The following COL4A1 variants were observed in gnomAD, a reference collection of about 807,000 sequenced individuals.
The protein encoded by COL4A1 is collagen alpha-1(IV) chain.
COL4A1 carries 40 observed loss-of-function variants against 216.6 expected under a neutral mutation model. The observed-to-expected ratio is 0.18, with a 90% confidence interval of 0.14 to 0.24. The LOEUF (loss-of-function observed/expected upper bound fraction) is 0.24. Among genes scored for constraint, COL4A1 ranks in the 10% least tolerant of loss-of-function variants. COL4A1 has a pLI of 1.00. For missense variants in COL4A1, 1,628 were observed against 2,196.8 expected (o/e 0.74, Z 5.18); for synonymous variants, 839 against 810.7 (o/e 1.03, Z -0.59).
intron 1 of COL4A1, among the ~76,000 whole-genome samples, chr13:110,254,380 C>T (rs906332894): frequency 4.6e-5 from 7 of 152,088 alleles, no homozygotes; most frequent in African/African-American, 1.7e-4. Context: ...ATGAGGGCTC[C>T]GTTTGCCTCT....
intron 25 of COL4A1, 24 bp from the exon 26 acceptor site, chr13:110,186,577 C>A: frequency 6.2e-7 from 1 of 1,613,532 alleles, no homozygotes; most frequent in South Asian, 1.1e-5. Context: ...AAGAAAAAGA[C>A]ACCGTTATCA....
chr13:110,176,179 G>T (rs1309697516), intron 36 of COL4A1, among the ~76,000 whole-genome samples: 1 of 152,176 alleles, frequency 6.6e-6, no homozygotes, highest in Admixed American at 6.5e-5. Context: ...ATCAAAAGTT[G>T]ACTGTATACA....
intron 22 of COL4A1, among the ~76,000 whole-genome samples, chr13:110,194,417 T>A (rs1878782549): frequency 6.6e-6 from 1 of 152,166 alleles, no homozygotes; most frequent in African/African-American, 2.4e-5. Context: ...TATTCCCCTC[T>A]AAGGCAGGAC....
At chr13:110,171,249 G>T (rs1877628923) in intron 41 of COL4A1, among the ~76,000 whole-genome samples, 1 of 152,208 alleles carries the variant, frequency 6.6e-6, no homozygotes, top group African/African-American at 2.4e-5. Flanking sequence ...TTTGTAAACT[G>T]CTGGAAAATG....
chr13:110,253,151 C>CGTAT (rs764639226), intron 1 of COL4A1, among the ~76,000 whole-genome samples: 4,241 of 112,260 alleles, frequency 0.038, 949 homozygotes, highest in Middle Eastern at 0.064. Context: ...ACTATATGTA[C>CGTAT]GTATTATATA....
rs368119050 is a variant in COL4A1 at position 110,287,280 on chromosome 13, G to T, written c.84+19664C>A. ...CCTTTAGGCCGCATGACATCTCAGG[G>T]GCAAGCCAGACAGCCTGCCGTCCCC... On this transcript the variant is annotated intron_variant, in intron 1 of 51. Transcript: ENST00000375820. 1.2e-4 allele frequency among the ~76,000 whole-genome samples: 19 copies of T among 152,280 alleles called. No homozygotes were observed. In the East Asian group the frequency reaches 3.1e-3, roughly 25 times the overall value.
intron 19 of COL4A1, 80 bp from the exon 20 acceptor site, chr13:110,200,969 C>T (rs1879164514): frequency 2.0e-6 from 3 of 1,497,980 alleles, no homozygotes; most frequent in African/African-American, 1.4e-5. Flanking sequence ...TACTGAAAGC[C>T]TTGCTTGGTG....
At chr13:110,206,573 A>T in intron 15 of COL4A1, 92 bp downstream of exon 15, 1 of 1,403,464 alleles carries the variant, frequency 7.1e-7, no homozygotes, top group Non-Finnish European at 1.0e-6. Context: ...AGTCCCTACG[A>T]GCCTTTTCTG....
intron 1 of COL4A1, among the ~76,000 whole-genome samples, chr13:110,299,571 C>T (rs2139321638): frequency 6.6e-6 from 1 of 152,334 alleles, no homozygotes; most frequent in South Asian, 2.1e-4. Context: ...GCCCTCATCC[C>T]CATCATACAC....
At chr13:110,272,663 C>T (rs1429358877) in intron 1 of COL4A1, among the ~76,000 whole-genome samples, 1 of 152,166 alleles carries the variant, frequency 6.6e-6, no homozygotes, top group Admixed American at 6.5e-5. Flanking sequence ...AGAAGAAAGC[C>T]GGGAAGGCCA....
rs1419329353 is a variant in COL4A1 at position 110,219,784 on chromosome 13, A to ATATATGTG, written c.145-5777_145-5770dup. On this transcript the variant is annotated intron_variant, in intron 2 of 51. Coordinates refer to ENST00000375820, the MANE Select transcript of COL4A1 (RefSeq NM_001845.6). Reference sequence around the variant, plus strand: ...TGCGTATATATGTATATATATGCGTATATATGTGTATATATGTATATATGT... The same window carrying ATATATGTG: ...TGCGTATATATGTATATATATGCGTATATATGTGTATATGTGTATATATGTATATATGT... 7.1e-5 allele frequency among the ~76,000 whole-genome samples: 10 copies of ATATATGTG among 141,830 alleles called. 1 individual carries two copies. The East Asian group carries it at 1.4e-3, about 20-fold the overall frequency. 93.0% of individuals were successfully genotyped at this position (141,830 alleles called of 152,430 possible).
At position 110,201,711 on chromosome 13, in the gene COL4A1, C is replaced by T. The variant is rs114288890; in HGVS notation, c.1000-189G>A. 8.1e-3 allele frequency: 5,930 copies of T among 733,684 alleles called. 151 individuals carry two copies. The highest frequency in any genetic ancestry group is 0.073 in the African/African-American group (4,258 of 58,356). The allele number at this position is 733,684 out of a possible 1,614,324, so 45.4% of individuals were successfully genotyped here. ...CTAAAACATATGGGACAGGCCGGTG[C>T]GGTGGCTCACGCCTGTAATCCCAGC... On this transcript the variant is annotated intron_variant, in intron 18 of 51. Transcript: ENST00000375820.
At chr13:110,230,347 A>C (rs1325394498) in intron 2 of COL4A1, among the ~76,000 whole-genome samples, 3 of 152,032 alleles carry the variant, frequency 2.0e-5, no homozygotes, top group African/African-American at 7.3e-5. Context: ...GTGTGCATGC[A>C]CACATGTGAA....
intron 1 of COL4A1, among the ~76,000 whole-genome samples, chr13:110,259,818 G>A (rs914902902): frequency 3.9e-5 from 6 of 152,260 alleles, no homozygotes; most frequent in East Asian, 1.9e-4. Context: ...CTTCTCCTCC[G>A]GGCTCTGCAT....
intron 33 of COL4A1, among the ~76,000 whole-genome samples, chr13:110,177,378 A>G (rs1877934523): frequency 6.6e-6 from 1 of 152,238 alleles, no homozygotes; most frequent in Non-Finnish European, 1.5e-5. Context: ...ATAATAGAAC[A>G]GGAATTTTAT....
Position 110,227,881 on chromosome 13 carries a change from C to A in COL4A1, c.145-13866G>T, listed in dbSNP as rs1170422790. 2.0e-5 allele frequency among the ~76,000 whole-genome samples: 3 copies of A among 152,180 alleles called. No homozygotes were observed. In the South Asian group the frequency reaches 6.2e-4, roughly 31 times the overall value. ...AATCAGGCAAGGACAGGGAGGCAGC[C>A]CTGTCTCGGGTCTCCGGGGAGGCCC... On this transcript the variant is annotated intron_variant, in intron 2 of 51. Transcript: ENST00000375820.
intron 49 of COL4A1, among the ~76,000 whole-genome samples, chr13:110,160,247 C>T (rs1877008457): frequency 1.4e-5 from 2 of 144,706 alleles, no homozygotes; most frequent in Admixed American, 1.4e-4. Flanking sequence ...TCGAGACCAT[C>T]CTGGCTAACA....
Position 110,186,478 on chromosome 13 carries a change from G to A in COL4A1, c.1804C>T (p.Pro602Ser), listed in dbSNP as rs769247289. 14 of 1,613,734 alleles carry A rather than the reference G, an allele frequency of 8.7e-6. No individual in the cohort carries two copies. The highest frequency in any genetic ancestry group is 8.0e-5 in the African/African-American group (6 of 74,900). The change falls in exon 26 of 52, where the codon CCC (proline) becomes TCC (serine). Residue 602 changes from proline (P) to serine (S), a missense_variant. Transcript: ENST00000375820. ...GGACCATATCCTGGAGGCCCAGGGG[G>A]GCCGGTGTCACCACGACTGCCTGGG... The part of the protein sequence containing the change: ...GFPGSRGDTG[P>S]PGPPGYGPAG...
In COL4A1 at chr13:110,252,506, T is replaced by TATATAC. The variant is rs1435183887; in HGVS notation, c.85-9773_85-9772insGTATAT. 0.035 allele frequency among the ~76,000 whole-genome samples: 170 copies of TATATAC among 4,872 alleles called. 13 individuals are homozygous for TATATAC. In the South Asian group the frequency reaches 0.38, roughly 11 times the overall value. 3.2% of individuals were successfully genotyped at this position (4,872 alleles called of 152,430 possible). On this transcript the variant is annotated intron_variant, in intron 1 of 51. Coordinates refer to ENST00000375820, the MANE Select transcript of COL4A1 (RefSeq NM_001845.6). ...ATATACGTATAATTATACGTATATA[T>TATATAC]GTATTATATATACGTATAATTATAC...
Sources: gnomAD v4.1 joint callset for allele counts (sites outside exome capture counted in the v4.1 genomes callset) on GRCh38, gnomAD v4.1.1 for gene constraint, MANE v1.5 for transcripts, NCBI Gene and HGNC (gene_info 2026-07-23, HGNC 2026-07-21) for gene names.